The following KIAA0232 variants were observed in gnomAD, a reference collection of about 807,000 sequenced individuals.
KIAA0232 encodes uncharacterized protein KIAA0232.
In KIAA0232, 27 loss-of-function variants were observed where a neutral mutation model predicts 122.0. The ratio of observed to expected loss-of-function variants is 0.22; its 90% confidence interval spans 0.16 to 0.31. The LOEUF is 0.31. KIAA0232 is among the 10% of genes least tolerant of loss of function. The pLI is 1.00. For missense variants in KIAA0232, 1,551 were observed against 1,634.2 expected (o/e 0.95, Z 0.88); for synonymous variants, 613 against 587.6 (o/e 1.04, Z -0.63).
At chr4:6,875,685 TG>T (rs1721713510) in intron 8 of KIAA0232, among the ~76,000 whole-genome samples, 3 of 152,090 alleles carry the variant, frequency 2.0e-5, no homozygotes, top group Admixed American at 6.5e-5. Flanking sequence ...TGGCAGGGGA[TG>T]GGGGGTGTGA....
At chr4:6,803,271 A>C (rs1020143105) in intron 1 of KIAA0232, among the ~76,000 whole-genome samples, 1 of 151,766 alleles carries the variant, frequency 6.6e-6, no homozygotes, top group African/African-American at 2.4e-5. Flanking sequence ...CTTAAGTTCA[A>C]ATGGAAATAT....
At chr4:6,837,149 C>T (rs556715316) in intron 3 of KIAA0232, among the ~76,000 whole-genome samples, 135 of 151,456 alleles carry the variant, frequency 8.9e-4, no homozygotes, top group Admixed American at 2.1e-3. Flanking sequence ...CCCCACCTCC[C>T]GAACGGGCCG....
intron 2 of KIAA0232, among the ~76,000 whole-genome samples, chr4:6,818,160 T>C (rs1298201548): frequency 3.9e-5 from 6 of 152,096 alleles, no homozygotes; most frequent in Non-Finnish European, 7.4e-5. Context: ...TGTAGCACTT[T>C]GGGAGGCCGA....
chr4:6,851,880 T>C (rs1256577218), intron 4 of KIAA0232, among the ~76,000 whole-genome samples: 2 of 152,156 alleles, frequency 1.3e-5, no homozygotes, highest in Non-Finnish European at 2.9e-5. Flanking sequence ...CTTGTCCAGC[T>C]TCACACAGCA....
At chr4:6,840,545 AGCCTTACGT>A (rs1459571362) in intron 3 of KIAA0232, among the ~76,000 whole-genome samples, 1 of 152,160 alleles carries the variant, frequency 6.6e-6, no homozygotes, top group East Asian at 1.9e-4. Context: ...TCAGAACTCT[AGCCTTACGT>A]GACCTCCCTG....
chr4:6,863,597 C>A lies in KIAA0232; in HGVS notation c.3215C>A (p.Pro1072Gln). 2 of 1,614,042 alleles carry A rather than the reference C, an allele frequency of 1.2e-6. No homozygotes were observed. Among genetic ancestry groups the A allele is most frequent in the South Asian group, 1.1e-5 (1 of 91,058 alleles). Residue 1072 changes from proline to glutamine, a missense_variant, in exon 7 of 10, where the codon CCG becomes CAG. Pro to Gln is a moderately conservative substitution (Grantham distance 76). Transcript: ENST00000307659. ...GCATCTTTCAGCCCCAGTTTTAAAC[C>A]GAAATCAATCCTCTGTTCTGATTCA... The part of the protein sequence containing the change: ...GIASFSPSFK[P>Q]KSILCSDSDS...
intron 2 of KIAA0232, among the ~76,000 whole-genome samples, chr4:6,821,049 T>G (rs1330083927): frequency 6.6e-6 from 1 of 152,182 alleles, no homozygotes; most frequent in African/African-American, 2.4e-5. Context: ...TAATCACCTC[T>G]TAAAGGTCTT....
intron 3 of KIAA0232, among the ~76,000 whole-genome samples, chr4:6,829,578 C>T (rs1425425584): frequency 1.3e-5 from 2 of 152,212 alleles, no homozygotes; most frequent in Non-Finnish European, 2.9e-5. Context: ...TAAGGATTGC[C>T]TTATTCAGTC....
intron 1 of KIAA0232, among the ~76,000 whole-genome samples, chr4:6,795,368 G>T (rs1404990851): frequency 6.6e-6 from 1 of 152,136 alleles, no homozygotes; most frequent in African/African-American, 2.4e-5. Flanking sequence ...CACCGCGCCC[G>T]GCCCACATGT....
Position 6,862,313 on chromosome 4 carries a change from T to C in KIAA0232, c.1931T>C (p.Ile644Thr), listed in dbSNP as rs1221795178. Residue 644 changes from isoleucine to threonine, a missense_variant, in exon 7 of 10, where the codon ATA becomes ACA. Ile to Thr is a moderately conservative substitution (Grantham distance 89). Around this residue, in one of 5 missense-constraint regions of KIAA0232, gnomAD observed 1,108 missense variants for 1,154.8 expected, o/e 0.96. Transcript: ENST00000307659. ...LFSDINEGSG[I>T]NSCFSVFEVQ... ...TCAGATATTAATGAAGGATCTGGTA[T>C]AAACTCTTGTTTTTCAGTGTTTGAA... The C allele has an allele frequency of 2.5e-6, 4 of 1,614,188 alleles. No homozygotes were observed. Among genetic ancestry groups the C allele is most frequent in the Middle Eastern group, 1.7e-4 (1 of 6,058 alleles).
At chr4:6,785,901 G>A (rs546636311) in intron 1 of KIAA0232, among the ~76,000 whole-genome samples, 3 of 152,222 alleles carry the variant, frequency 2.0e-5, no homozygotes, top group Non-Finnish European at 4.4e-5. Flanking sequence ...GACCTTCTTT[G>A]CTTATATTCT....
intron 8 of KIAA0232, among the ~76,000 whole-genome samples, chr4:6,876,264 A>C (rs1721750017): frequency 6.6e-6 from 1 of 152,132 alleles, no homozygotes; most frequent in Non-Finnish European, 1.5e-5. Context: ...ACGTGCTATG[A>C]TGCACCATCT....
chr4:6,824,109 A>T lies in KIAA0232; in HGVS notation c.-269-76A>T, dbSNP rs997682431. 2.4e-5 allele frequency: 10 copies of T among 416,824 alleles called. No homozygotes were observed. The East Asian group carries it at 2.7e-4, about 11-fold the overall frequency. The allele number at this position is 416,824 out of a possible 1,614,324, so 25.8% of individuals were successfully genotyped here. A position where few individuals can be genotyped will look rare whatever the true frequency, so the allele number is the denominator to read the frequency against. ...TTAATAAAGAGGGACAGTTTATTTG[A>T]TTTTTTTTCCTCAAAAGGTCAATAA... On this transcript the variant is annotated intron_variant, in intron 2 of 9. Transcript: ENST00000307659.
At chr4:6,848,960 G>A (rs1307330288) in intron 4 of KIAA0232, among the ~76,000 whole-genome samples, 2 of 152,250 alleles carry the variant, frequency 1.3e-5, no homozygotes, top group Admixed American at 1.3e-4. Flanking sequence ...ATAGATGGCA[G>A]TGGAGCTGGA....
chr4:6,856,405 T>A (rs796682637), intron 4 of KIAA0232, among the ~76,000 whole-genome samples: 4 of 152,304 alleles, frequency 2.6e-5, no homozygotes, highest in African/African-American at 9.6e-5. Context: ...CTGTGAGAAA[T>A]TGAGACTCTT....
Position 6,824,626 on chromosome 4 carries a change from C to T in KIAA0232, c.173C>T (p.Thr58Ile). ...TGTGGCATTGATGCCATGATTTACA[C>T]TCGGTATGTCCTCAGTCTTCTGCTG... ...EKCGIDAMIY[T>I]RYVLSLLLHD... is the part of the protein sequence containing the mutation. The change falls in exon 3 of 10, where the codon ACT becomes ATT. Residue 58 changes from threonine (T) to isoleucine (I), a missense_variant. By Grantham distance (89) the Thr-to-Ile change is moderately conservative. Transcript: ENST00000307659. 1 of 1,614,214 alleles carries T rather than the reference C, an allele frequency of 6.2e-7. No individual in the cohort carries two copies. Among genetic ancestry groups the T allele is most frequent in the Non-Finnish European group, 8.5e-7 (1 of 1,180,042 alleles).
At chr4:6,787,837 C>CT (rs1716697875) in intron 1 of KIAA0232, among the ~76,000 whole-genome samples, 1 of 152,224 alleles carries the variant, frequency 6.6e-6, no homozygotes, top group African/African-American at 2.4e-5. Context: ...ACATTTCCCT[C>CT]TATTCCATCA....
At chr4:6,826,650 G>A (rs1449767119) in intron 3 of KIAA0232, among the ~76,000 whole-genome samples, 1 of 151,900 alleles carries the variant, frequency 6.6e-6, no homozygotes, top group East Asian at 1.9e-4. Context: ...AACCACATGT[G>A]TGTGGCACCC....
intron 2 of KIAA0232, among the ~76,000 whole-genome samples, chr4:6,814,854 A>G (rs1163154574): frequency 6.6e-6 from 1 of 152,198 alleles, no homozygotes; most frequent in Admixed American, 6.5e-5. Context: ...GGAACTATCT[A>G]TATTGTTTTT....
Sources: gnomAD v4.1 joint callset for allele counts (sites outside exome capture counted in the v4.1 genomes callset) on GRCh38, gnomAD v4.1.1 for gene constraint, gnomAD v4.1.1 regional missense constraint, MANE v1.5 for transcripts, NCBI Gene and HGNC (gene_info 2026-07-23, HGNC 2026-07-21) for gene names.